Variants in SEC23B observed in about 807,000 individuals in gnomAD.
The protein encoded by SEC23B is SEC23 homolog B, COPII component.
A neutral mutation model predicts 104.3 loss-of-function variants in SEC23B; 77 were observed. That is an observed-to-expected ratio of 0.74 (90% CI 0.61 to 0.89). The LOEUF (loss-of-function observed/expected upper bound fraction) is 0.89, where lower values mean the gene tolerates loss of function less well. Among genes scored for constraint, SEC23B ranks in the 40% least tolerant of loss-of-function variants. The pLI, the probability that SEC23B is intolerant of heterozygous loss-of-function variation, is 0.00. For missense variants in SEC23B, 885 were observed against 949.4 expected (o/e 0.93, Z 0.89); for synonymous variants, 338 against 332.5 (o/e 1.02, Z -0.18).
Position 18,521,235 on chromosome 20 carries a change from C to T in SEC23B, c.367-3198C>T, listed in dbSNP as rs553466200. On this transcript the variant is annotated intron_variant, in intron 4 of 19. Coordinates refer to ENST00000650089, the MANE Select transcript of SEC23B (RefSeq NM_006363.6). ...ACTCTATTATTGTACACCTTGAAGG[C>T]GAGGTTAATTAAGTCCTGTTGTGGG... Among the ~76,000 whole-genome samples the T allele has an allele frequency of 5.9e-5, 9 of 152,234 alleles. No homozygotes were observed. The South Asian group carries it at 6.2e-4, about 11-fold the overall frequency.
chr20:18,528,041 G>A (rs985597612), intron 9 of SEC23B, among the ~76,000 whole-genome samples: 2 of 152,292 alleles, frequency 1.3e-5, no homozygotes, highest in East Asian at 3.9e-4. Context: ...AGGTTGTACT[G>A]ACTCAAAGCC....
Position 18,551,092 on chromosome 20 carries a change from G to A in SEC23B, c.1909G>A (p.Val637Ile), listed in dbSNP as rs753168027. 2 of 1,601,066 alleles carry A rather than the reference G, an allele frequency of 1.2e-6. No homozygotes were observed. The highest frequency in any genetic ancestry group is 8.5e-7 in the Non-Finnish European group (1 of 1,173,298). Residue 637 changes from valine to isoleucine, a missense_variant, in exon 17 of 20, where the codon GTA becomes ATA. Coordinates refer to ENST00000650089, the MANE Select transcript of SEC23B (RefSeq NM_006363.6). Reference sequence around the variant, plus strand: ...CTTTCTCTCTCTTTTTCTTCAGCCAGTACTCTTGGATAGCAGCAGCATTCT... The same window carrying A: ...CTTTCTCTCTCTTTTTCTTCAGCCAATACTCTTGGATAGCAGCAGCATTCT... The part of the protein sequence containing the change: ...SYSFHGPPEP[V>I]LLDSSSILAD...
chr20:18,507,705 G>C (rs181654310), upstream of SEC23B: 4 of 152,486 alleles, frequency 2.6e-5, no homozygotes, highest in Non-Finnish European at 2.9e-5. Flanking sequence ...AAACAGAAAC[G>C]TTTAGGGGTG....
intron 3 of SEC23B, among the ~76,000 whole-genome samples, chr20:18,513,964 A>G (rs571205457): frequency 6.6e-6 from 1 of 152,320 alleles, no homozygotes; most frequent in African/African-American, 2.4e-5. Flanking sequence ...ATGATAGTAT[A>G]GTATACCTAT....
rs540557443 is a variant in SEC23B at position 18,547,431 on chromosome 20, G to C, written c.1744-1178G>C. ...GATTGAATATTTGGAGTCTCAGGAA[G>C]CTTTACACTTCACAAGGCAGCTCAT... On this transcript the variant is annotated intron_variant, in intron 15 of 19. Transcript: ENST00000650089. 2.0e-5 allele frequency among the ~76,000 whole-genome samples: 3 copies of C among 152,302 alleles called. No individual in the cohort carries two copies. In the South Asian group the frequency reaches 6.2e-4, roughly 32 times the overall value.
rs1300809311 is a variant in SEC23B, at chr20:18,561,200, G to T, written c.*460G>T. On this transcript the variant is annotated 3_prime_UTR_variant, in exon 20 of 20. Coordinates refer to ENST00000650089, the MANE Select transcript of SEC23B (RefSeq NM_006363.6). ...CCTGAACCTAATTCTCATAATTAAA[G>T]TAATGTATATGCAGGATCAAAATGA... 2.4e-5 allele frequency: 5 copies of T among 208,894 alleles called. No homozygotes were observed. The highest frequency in any genetic ancestry group is 1.2e-4 in the African/African-American group (5 of 42,248). 12.9% of individuals were successfully genotyped at this position (208,894 alleles called of 1,614,324 possible).
At chr20:18,542,883 G>A (rs2060300816) in intron 13 of SEC23B, 136 bp from the exon 14 acceptor site, 1 of 1,074,160 alleles carries the variant, frequency 9.3e-7, no homozygotes, top group Non-Finnish European at 1.4e-6. Context: ...AAGCAGTCCT[G>A]CCACCTTGCC....
At chr20:18,530,381 A>G (rs1200840746) in intron 9 of SEC23B, among the ~76,000 whole-genome samples, 1 of 151,854 alleles carries the variant, frequency 6.6e-6, no homozygotes, top group African/African-American at 2.4e-5. Flanking sequence ...CCTCCTGAGT[A>G]GCTGGGATTG....
intron 11 of SEC23B, 121 bp downstream of exon 11, chr20:18,532,865 G>GC (rs1406462243): frequency 1.3e-6 from 1 of 754,154 alleles, no homozygotes; most frequent in Non-Finnish European, 2.4e-6. Flanking sequence ...CAGGAGAAGG[G>GC]CTAACCCTCA....
chr20:18,542,240 T>C, intron 12 of SEC23B, 56 bp from the exon 13 acceptor site: 2 of 1,440,476 alleles, frequency 1.4e-6, no homozygotes, highest in South Asian at 1.1e-5. Context: ...GTGGGCTCTG[T>C]GACCGTGTTT....
intron 19 of SEC23B, among the ~76,000 whole-genome samples, chr20:18,556,384 C>T (rs1481796545): frequency 1.3e-5 from 2 of 152,152 alleles, no homozygotes; most frequent in African/African-American, 4.8e-5. Context: ...AAACCATTCC[C>T]CCACAGATAC....
chr20:18,535,230 C>T (rs1331073851), intron 11 of SEC23B, among the ~76,000 whole-genome samples: 1 of 127,358 alleles, frequency 7.9e-6, no homozygotes, highest in Non-Finnish European at 1.6e-5. Context: ...TATGTGTAAA[C>T]CCGGAACGAT....
intron 19 of SEC23B, among the ~76,000 whole-genome samples, chr20:18,556,736 G>A (rs991489407): frequency 3.9e-5 from 6 of 152,264 alleles, no homozygotes; most frequent in Admixed American, 3.3e-4. Flanking sequence ...GGTGGCTCAC[G>A]CCTGTAATCC....
intron 4 of SEC23B, among the ~76,000 whole-genome samples, chr20:18,521,887 G>A (rs2060087242): frequency 6.6e-6 from 1 of 152,160 alleles, no homozygotes; most frequent in African/African-American, 2.4e-5. Flanking sequence ...CAGACCATTT[G>A]CCCATTTTAC....
At chr20:18,553,103 C>G (rs2060404061) in intron 17 of SEC23B, among the ~76,000 whole-genome samples, 1 of 152,228 alleles carries the variant, frequency 6.6e-6, no homozygotes, top group Admixed American at 6.5e-5. Flanking sequence ...AACCCCTGAT[C>G]CTGTTCATTC....
At chr20:18,514,446 A>T (rs4814755) in intron 3 of SEC23B, among the ~76,000 whole-genome samples, 140,558 of 152,120 alleles carry the variant, frequency 0.92, 65,845 homozygotes, top group East Asian at 1. Context: ...GGGGCTCGCA[A>T]GCTCAGTTGT....
intron 4 of SEC23B, among the ~76,000 whole-genome samples, chr20:18,518,242 A>T (rs2060048188): frequency 6.6e-6 from 1 of 152,194 alleles, no homozygotes; most frequent in Non-Finnish European, 1.5e-5. Flanking sequence ...GCCTTCTCAG[A>T]CCCTGTGGGA....
chr20:18,530,477 C>T (rs1270738319), intron 9 of SEC23B, among the ~76,000 whole-genome samples: 2 of 152,120 alleles, frequency 1.3e-5, no homozygotes, highest in Non-Finnish European at 2.9e-5. Context: ...GCAAGTGATC[C>T]GCCCTCCTTG....
intron 12 of SEC23B, among the ~76,000 whole-genome samples, chr20:18,540,879 G>C (rs935850299): frequency 6.6e-6 from 1 of 152,138 alleles, no homozygotes; most frequent in African/African-American, 2.4e-5. Context: ...AGAGTCACCA[G>C]CTGCATTAGA....
Sources: gnomAD v4.1 joint callset for allele counts (sites outside exome capture counted in the v4.1 genomes callset) on GRCh38, gnomAD v4.1.1 for gene constraint, MANE v1.5 for transcripts, NCBI Gene and HGNC (gene_info 2026-07-23, HGNC 2026-07-21) for gene names.